Variants in ASTN1 observed in about 807,000 individuals in gnomAD.
ASTN1 encodes astrotactin-1.
Under a neutral mutation model 140.7 loss-of-function variants are expected in ASTN1, and 41 were observed. The ratio of observed to expected loss-of-function variants is 0.29; its 90% CI spans 0.23 to 0.38. ASTN1 has a LOEUF of 0.38. Among genes scored for constraint, ASTN1 ranks in the 10% least tolerant of loss-of-function variants. The pLI is 1.00. For synonymous variants in ASTN1, 640 were observed against 652.2 expected (o/e 0.98, Z 0.29); for missense variants, 1,479 against 1,678.8 (o/e 0.88, Z 2.08).
chr1:177,003,580 G>A (rs113867689), intron 8 of ASTN1, among the ~76,000 whole-genome samples: 3,774 of 152,236 alleles, frequency 0.025, 164 homozygotes, highest in African/African-American at 0.081. Flanking sequence ...GAAGGCCAAG[G>A]CAGGAGGATT....
intron 1 of ASTN1, among the ~76,000 whole-genome samples, chr1:177,149,277 AG>A: frequency 1.1e-5 from 1 of 94,780 alleles, no homozygotes. Flanking sequence ...TACTATATAT[AG>A]TAAATATATA....
intron 2 of ASTN1, among the ~76,000 whole-genome samples, chr1:177,043,117 A>C (rs2101997518): frequency 6.6e-6 from 1 of 152,352 alleles, no homozygotes; most frequent in Admixed American, 6.5e-5. Context: ...GGGTAGATGT[A>C]AAGTGAAATC....
At chr1:177,073,627 C>G (rs1678751248) in intron 1 of ASTN1, among the ~76,000 whole-genome samples, 3 of 148,770 alleles carry the variant, frequency 2.0e-5, no homozygotes, top group Non-Finnish European at 4.4e-5. Flanking sequence ...ACACCTACTT[C>G]CTACTGATTA....
intron 1 of ASTN1, among the ~76,000 whole-genome samples, chr1:177,063,967 C>A (rs1678225393): frequency 6.6e-6 from 1 of 152,180 alleles, no homozygotes; most frequent in Admixed American, 6.5e-5. Context: ...TCCGAAGGAT[C>A]TAGCACCTCA....
At position 176,973,811 on chromosome 1, in the gene ASTN1, C is replaced by T. The variant is rs143347277; in HGVS notation, c.1524-8574G>A. Among the ~76,000 whole-genome samples the T allele has an allele frequency of 2.0e-3, 303 of 152,242 alleles. 1 individual carries two copies. Among genetic ancestry groups the T allele is most frequent in the Non-Finnish European group, 3.6e-3 (248 of 68,022 alleles). On this transcript the variant is annotated intron_variant, in intron 8 of 22. Coordinates refer to ENST00000361833, the MANE Select transcript of ASTN1 (RefSeq NM_004319.3). ...CCAGTAATTAGGCATGAACAGTTTC[C>T]ACTCCTGACTAGAGTGCTGCCATCC...
chr1:177,014,085 G>A (rs1311783094), intron 8 of ASTN1, among the ~76,000 whole-genome samples: 1 of 151,056 alleles, frequency 6.6e-6, no homozygotes, highest in Non-Finnish European at 1.5e-5. Context: ...GTGAATAGTG[G>A]GATGCTTGCA....
chr1:177,146,714 T>C (rs868857215), intron 1 of ASTN1, among the ~76,000 whole-genome samples: 28 of 152,210 alleles, frequency 1.8e-4, no homozygotes, highest in African/African-American at 6.8e-4. Context: ...GCTTGAATTT[T>C]ATCACTGGCA....
intron 8 of ASTN1, among the ~76,000 whole-genome samples, chr1:176,991,984 T>C (rs1674198321): frequency 6.6e-6 from 1 of 152,246 alleles, no homozygotes; most frequent in Non-Finnish European, 1.5e-5. Flanking sequence ...TAAATAGTTA[T>C]GTCTGAACAA....
intron 8 of ASTN1, among the ~76,000 whole-genome samples, chr1:176,972,168 A>T (rs1673165014): frequency 6.6e-6 from 1 of 152,224 alleles, no homozygotes; most frequent in Non-Finnish European, 1.5e-5. Flanking sequence ...TTACAATTTC[A>T]TGGGAACACT....
chr1:177,052,594 T>C (rs1301828155), intron 2 of ASTN1, among the ~76,000 whole-genome samples: 1 of 152,180 alleles, frequency 6.6e-6, no homozygotes, highest in Non-Finnish European at 1.5e-5. Context: ...ACCATACAAC[T>C]ATAGTCTTGG....
intron 16 of ASTN1, among the ~76,000 whole-genome samples, chr1:176,913,420 A>G (rs970894652): frequency 6.6e-6 from 1 of 152,238 alleles, no homozygotes; most frequent in Non-Finnish European, 1.5e-5. Context: ...TGTGCCCAGC[A>G]TTGGGCTAGG....
intron 1 of ASTN1, among the ~76,000 whole-genome samples, chr1:177,103,770 G>C (rs1000009331): frequency 2.6e-5 from 4 of 152,112 alleles, no homozygotes; most frequent in African/African-American, 9.6e-5. Context: ...TGAAAAGTGG[G>C]TATTATCATT....
intron 7 of ASTN1, among the ~76,000 whole-genome samples, chr1:177,016,280 T>C (rs1675541323): frequency 6.6e-6 from 1 of 150,414 alleles, no homozygotes; most frequent in African/African-American, 2.5e-5. Flanking sequence ...CAGCTCAATG[T>C]TCTGAGAAGT....
At chr1:177,107,104 C>T (rs975638384) in intron 1 of ASTN1, among the ~76,000 whole-genome samples, 2 of 152,060 alleles carry the variant, frequency 1.3e-5, no homozygotes, top group South Asian at 2.1e-4. Flanking sequence ...TCTTGAAATT[C>T]GGTCCATGGA....
chr1:177,144,922 T>A (rs1682654836), intron 1 of ASTN1, among the ~76,000 whole-genome samples: 1 of 152,152 alleles, frequency 6.6e-6, no homozygotes, highest in African/African-American at 2.4e-5. Flanking sequence ...AACACATGAT[T>A]TACTCCAGGG....
chr1:176,933,596 C>G (rs879332825), intron 16 of ASTN1, among the ~76,000 whole-genome samples: 2 of 152,280 alleles, frequency 1.3e-5, no homozygotes, highest in Non-Finnish European at 2.9e-5. Context: ...GCTGTCAAGA[C>G]AGTAGACAAA....
intron 18 of ASTN1, among the ~76,000 whole-genome samples, chr1:176,884,738 G>A (rs186490678): frequency 2.0e-5 from 3 of 152,320 alleles, no homozygotes; most frequent in African/African-American, 7.2e-5. Context: ...AAATCAGTAG[G>A]TGAGTCAAAG....
chr1:177,094,659 G>A (rs542218476), intron 1 of ASTN1, among the ~76,000 whole-genome samples: 55 of 152,284 alleles, frequency 3.6e-4, no homozygotes, highest in African/African-American at 1.1e-3. Flanking sequence ...ATAGCAGCCC[G>A]AACAGACTAA....
chr1:177,144,940 G>T (rs1165227244), intron 1 of ASTN1, among the ~76,000 whole-genome samples: 1 of 152,154 alleles, frequency 6.6e-6, no homozygotes, highest in Non-Finnish European at 1.5e-5. Flanking sequence ...GGGAGATAGA[G>T]AAAAATCATC....
Sources: allele counts gnomAD v4.1 joint callset (sites outside exome capture counted in the v4.1 genomes callset), GRCh38; gene constraint gnomAD v4.1.1; transcripts MANE v1.5; gene names NCBI Gene and HGNC (gene_info 2026-07-23, HGNC 2026-07-21).